Variants in NRK observed in about 807,000 individuals in gnomAD.
The protein encoded by NRK is nik-related protein kinase.
NRK carries 67 observed loss-of-function variants against 125.2 expected under a neutral mutation model. The observed-to-expected ratio is 0.54, with a 90% CI of 0.44 to 0.66. NRK has a LOEUF of 0.66. NRK is among the 30% of genes least tolerant of loss of function. The probability of loss-of-function intolerance (pLI) is 0.00; values close to 1 mark genes in which losing one functional copy is unlikely to be tolerated. For synonymous variants in NRK, 458 were observed against 429.0 expected, an observed-to-expected ratio of 1.07 and a Z score of -0.84; for missense variants, 1,224 against 1,192.9, an observed-to-expected ratio of 1.03 and a Z score of -0.38.
chrX:105,822,533 C>T, upstream of NRK: 1 of 320,154 alleles, frequency 3.1e-6, no homozygotes, highest in Admixed American at 5.4e-5. Context: ...CGCACCCTGA[C>T]GGGGCAGACA....
At chrX:105,869,276 C>T (rs978084761) in intron 2 of NRK, among the ~76,000 whole-genome samples, 3 of 111,377 alleles carry the variant, frequency 2.7e-5, no homozygotes, top group Admixed American at 1.9e-4. Flanking sequence ...GTGGCAGGGC[C>T]TGGAAGTTAG....
At position 105,906,572 on chromosome X, in the gene NRK, A is replaced by G; in HGVS notation, c.1004A>G (p.Lys335Arg). The G allele has an allele frequency of 9.3e-7, 1 of 1,077,713 alleles. No individual in the cohort carries two copies. Among genetic ancestry groups the G allele is most frequent in the Non-Finnish European group, 1.2e-6 (1 of 805,896 alleles). 88.8% of individuals were successfully genotyped at this position (1,077,713 alleles called of 1,213,427 possible). A position where few individuals can be genotyped will look rare whatever the true frequency, so the allele number is the denominator to read the frequency against. Residue 335 changes from lysine (K) to arginine (R), a missense_variant, in exon 11 of 29, where the codon AAA becomes AGA. Transcript: ENST00000243300. ...ACAAGGCATCTTACTGGAATCATTA[A>G]AAAAAGACAGAAAAAAGGTAGAATC... ...SLTRHLTGII[K>R]KRQKKGIPLI...
At chrX:105,890,744 G>T (rs1460242774) in intron 5 of NRK, among the ~76,000 whole-genome samples, 1 of 111,528 alleles carries the variant, frequency 9.0e-6, no homozygotes, top group Non-Finnish European at 1.9e-5. Context: ...CTGCCCCCAT[G>T]ATTCAATTAC....
intron 3 of NRK, 22 bp downstream of exon 3, chrX:105,880,277 A>G: frequency 2.4e-6 from 2 of 828,007 alleles, no homozygotes; most frequent in South Asian, 6.6e-5. Flanking sequence ...AATTGCCTGT[A>G]TTCTCTTCCC....
intron 11 of NRK, among the ~76,000 whole-genome samples, 178 bp downstream of exon 11, chrX:105,906,767 G>A (rs940883463): frequency 8.1e-5 from 4 of 49,259 alleles, no homozygotes; most frequent in African/African-American, 5.8e-4. Flanking sequence ...TCTCTTGCGT[G>A]TGTGTGTGTG....
intron 1 of NRK, among the ~76,000 whole-genome samples, chrX:105,827,063 C>G (rs924775301): frequency 9.0e-6 from 1 of 111,439 alleles, no homozygotes; most frequent in Non-Finnish European, 1.9e-5. Flanking sequence ...ATGATTCTCA[C>G]GTAGCGAGAG....
At position 105,923,373 on chromosome X, in the gene NRK, G is replaced by A; in HGVS notation, c.2866G>A (p.Asp956Asn). The change falls in exon 18 of 29, where the codon GAT becomes AAT. Residue 956 changes from aspartate to asparagine, a missense_variant. Coordinates refer to ENST00000243300, the MANE Select transcript of NRK (RefSeq NM_198465.4). ...YDHANGNDDL[D>N]NQVDQANDVC... ...TCATGCCAATGGCAATGATGACTTG[G>A]ATAACCAGGTTGATCAGGCTAATGA... 1 of 1,165,070 alleles carries A rather than the reference G, an allele frequency of 8.6e-7. No individual in the cohort carries two copies. The highest frequency in any genetic ancestry group is 1.1e-6 in the Non-Finnish European group (1 of 869,580).
intron 23 of NRK, among the ~76,000 whole-genome samples, chrX:105,941,305 G>A (rs897500274): frequency 9.0e-6 from 1 of 111,042 alleles, no homozygotes; most frequent in African/African-American, 3.3e-5. Flanking sequence ...CCACTGACAG[G>A]TGGAATTAGT....
intron 2 of NRK, among the ~76,000 whole-genome samples, chrX:105,864,596 A>G (rs2039646862): frequency 9.0e-6 from 1 of 111,343 alleles, no homozygotes; most frequent in African/African-American, 3.3e-5. Context: ...ACACACACAG[A>G]CACGCACACA....
intron 1 of NRK, among the ~76,000 whole-genome samples, chrX:105,828,062 A>T (rs2039138364): frequency 8.9e-6 from 1 of 112,238 alleles, no homozygotes; most frequent in African/African-American, 3.2e-5. Flanking sequence ...CTGTAAGTGC[A>T]AAATATATGA....
intron 20 of NRK, 75 bp from the exon 21 acceptor site, chrX:105,935,094 TA>T (rs773549865): frequency 9.0e-4 from 768 of 852,049 alleles, no homozygotes; most frequent in South Asian, 5.2e-3. Flanking sequence ...GATTTTTCTT[TA>T]AAAAAAAATT....
In NRK at chrX:105,903,562, C is replaced by G. The variant is rs186310140; in HGVS notation, c.767-1703C>G. 2.0e-3 allele frequency among the ~76,000 whole-genome samples: 219 copies of G among 111,754 alleles called. 3 individuals are homozygous for G. The highest frequency in any genetic ancestry group is 6.9e-3 in the African/African-American group (212 of 30,820). On this transcript the variant is annotated intron_variant, in intron 9 of 28. Coordinates refer to ENST00000243300, the MANE Select transcript of NRK (RefSeq NM_198465.4). Reference sequence around the variant, plus strand: ...AGGCTTGCTGTTTCAAAGGAATGAGCCTCTAATGATGAACATTTAGGTAGT... The same window carrying G: ...AGGCTTGCTGTTTCAAAGGAATGAGGCTCTAATGATGAACATTTAGGTAGT...
rs149474981 is a variant in NRK, at chrX:105,873,039, T to C, written c.124-7160T>C. On this transcript the variant is annotated intron_variant, in intron 2 of 28. Coordinates refer to ENST00000243300, the MANE Select transcript of NRK (RefSeq NM_198465.4). ...GAAAAACGAGGTTACAGAATGGACA[T>C]GAGTGTAGTAAGTGCCTCATGGCCT... Among the ~76,000 whole-genome samples the C allele has an allele frequency of 4.4e-3, 492 of 111,697 alleles. 5 individuals are homozygous for C. The highest frequency in any genetic ancestry group is 0.015 in the African/African-American group (459 of 30,776).
rs73533126 is a variant in NRK, at chrX:105,880,854, C to T, written c.180+599C>T. 3.9e-3 allele frequency among the ~76,000 whole-genome samples: 434 copies of T among 111,409 alleles called. 3 individuals are homozygous for T. Among genetic ancestry groups the T allele is most frequent in the African/African-American group, 0.013 (412 of 30,770 alleles). On this transcript the variant is annotated intron_variant, in intron 3 of 28. Coordinates refer to ENST00000243300, the MANE Select transcript of NRK (RefSeq NM_198465.4). ...ACTGATTTCTGTTCTTTTTCTTTAA[C>T]GTGAGTGCCACACTTTCTCAAGATA... is the stretch of plus-strand genomic sequence containing the variant.
intron 2 of NRK, among the ~76,000 whole-genome samples, chrX:105,851,486 A>G (rs1279201257): frequency 8.9e-6 from 1 of 112,142 alleles, no homozygotes; most frequent in Non-Finnish European, 1.9e-5. Context: ...TATTAGAGTC[A>G]TTCTTTTGGA....
chrX:105,889,665 T>G (rs1046442061), intron 5 of NRK, among the ~76,000 whole-genome samples: 9 of 112,807 alleles, frequency 8.0e-5, no homozygotes, highest in African/African-American at 2.9e-4. Flanking sequence ...TCTTGATTTC[T>G]GTGCATCAGC....
At chrX:105,941,021 C>G (rs1007450196) in intron 23 of NRK, among the ~76,000 whole-genome samples, 2 of 111,475 alleles carry the variant, frequency 1.8e-5, no homozygotes, top group African/African-American at 6.5e-5. Flanking sequence ...CTAGTTTCTT[C>G]CAGGTTTAGG....
At position 105,823,652 on chromosome X, in the gene NRK, T is replaced by C. The variant is rs754634420; in HGVS notation, c.57+750T>C. Reference sequence around the variant, plus strand: ...GCCCAGCTTCCCTCTAGAGTTGTAATTGATTGGTAAGCTATTATCGCCGTC... The same window carrying C: ...GCCCAGCTTCCCTCTAGAGTTGTAACTGATTGGTAAGCTATTATCGCCGTC... On this transcript the variant is annotated intron_variant, in intron 1 of 28. Transcript: ENST00000243300. Among the ~76,000 whole-genome samples, 6 of 111,350 alleles carry C rather than the reference T, an allele frequency of 5.4e-5. No homozygotes were observed. In the East Asian group the frequency reaches 1.7e-3, roughly 31 times the overall value.
intron 11 of NRK, among the ~76,000 whole-genome samples, 175 bp downstream of exon 11, chrX:105,906,764 CGTGTGTGTGTGTGTGTGTGTGTGT>C (rs61655627): frequency 1.1e-5 from 1 of 87,535 alleles, no homozygotes; most frequent in Admixed American, 1.3e-4. Context: ...TTTTCTCTTG[CGTGTGTGTGTGTGTGTGTGTGTGT>C]GTGTGTGTGT....
Sources: allele counts gnomAD v4.1 joint callset (sites outside exome capture counted in the v4.1 genomes callset), GRCh38; gene constraint gnomAD v4.1.1; transcripts MANE v1.5; gene names NCBI Gene and HGNC (gene_info 2026-07-23, HGNC 2026-07-21).